Variants in MED12L observed in about 807,000 individuals in gnomAD.
MED12L encodes mediator of RNA polymerase II transcription subunit 12-like protein.
In MED12L, 60 loss-of-function variants were observed where a neutral mutation model predicts 281.3. The observed-to-expected ratio is 0.21, with a 90% CI of 0.17 to 0.26. The LOEUF is 0.26. MED12L is among the 10% of genes least tolerant of loss of function. MED12L has a pLI of 1.00. For synonymous variants in MED12L, 974 were observed against 987.2 expected (o/e 0.99, Z 0.25); for missense variants, 2,146 against 2,680.9 (o/e 0.80, Z 4.41).
intron 16 of MED12L, among the ~76,000 whole-genome samples, chr3:151,309,141 G>A (rs5000882): frequency 0.13 from 18,920 of 147,416 alleles, 1,356 homozygotes; most frequent in Non-Finnish European, 0.18. Context: ...ACACACACAC[G>A]CACACACACA....
rs572055597 is a variant in MED12L at position 151,109,195 on chromosome 3, G to A, written c.100-7143G>A. ...GCCTCCCGAGTAGCTGGGACTACAC[G>A]CAGCCACCAGCCACCACGCCCGGCA... is the stretch of plus-strand genomic sequence containing the variant. On this transcript the variant is annotated intron_variant, in intron 2 of 44. Coordinates refer to ENST00000687756, the MANE Select transcript of MED12L (RefSeq NM_001393769.1). 2.8e-4 allele frequency among the ~76,000 whole-genome samples: 43 copies of A among 152,030 alleles called. No homozygotes were observed. In the South Asian group the frequency reaches 6.9e-3, roughly 24 times the overall value.
intron 16 of MED12L, among the ~76,000 whole-genome samples, chr3:151,319,466 T>C (rs867784882): frequency 2.6e-4 from 26 of 100,994 alleles, no homozygotes; most frequent in Middle Eastern, 8.4e-3. Context: ...TGTGTGTGTG[T>C]GCGTGTGTGT....
At chr3:151,241,969 A>AG (rs1034301822) in intron 16 of MED12L, 7 of 152,794 alleles carry the variant, frequency 4.6e-5, no homozygotes, top group African/African-American at 1.7e-4. Flanking sequence ...GGGAAGCACA[A>AG]GGGGTCAGGG....
intron 39 of MED12L, among the ~76,000 whole-genome samples, chr3:151,405,412 T>C (rs893294457): frequency 2.0e-5 from 3 of 152,176 alleles, no homozygotes; most frequent in Non-Finnish European, 2.9e-5. Flanking sequence ...AAATATCTTA[T>C]TCTCTCTTAC....
At chr3:151,368,600 ATT>A (rs773822835) in intron 25 of MED12L, among the ~76,000 whole-genome samples, 2 of 62,008 alleles carry the variant, frequency 3.2e-5, no homozygotes, top group East Asian at 2.9e-4. Context: ...ATTTTATTTT[ATT>A]TTATTTTATT....
At chr3:151,309,263 A>C (rs535399955) in intron 16 of MED12L, among the ~76,000 whole-genome samples, 1 of 152,230 alleles carries the variant, frequency 6.6e-6, no homozygotes, top group African/African-American at 2.4e-5. Context: ...TTGAATTAAA[A>C]TATTTTTCTC....
intron 16 of MED12L, among the ~76,000 whole-genome samples, chr3:151,261,736 G>T (rs1272474057): frequency 7.0e-6 from 1 of 142,866 alleles, no homozygotes; most frequent in Non-Finnish European, 1.5e-5. Context: ...TTGTTGTGTT[G>T]TGTTTTGAGA....
At chr3:151,236,363 A>G (rs769523903) in intron 16 of MED12L, among the ~76,000 whole-genome samples, 23 of 152,332 alleles carry the variant, frequency 1.5e-4, no homozygotes, top group Admixed American at 7.2e-4. Flanking sequence ...AAATCTCTGG[A>G]TCACAGAATT....
intron 5 of MED12L, among the ~76,000 whole-genome samples, chr3:151,151,280 G>A (rs1366998580): frequency 6.6e-6 from 1 of 151,590 alleles, no homozygotes; most frequent in African/African-American, 2.4e-5. Context: ...CACGTGATCC[G>A]CATGCCTCTG....
intron 16 of MED12L, among the ~76,000 whole-genome samples, chr3:151,230,569 G>GA (rs1731461346): frequency 7.0e-6 from 1 of 142,940 alleles, no homozygotes; most frequent in South Asian, 2.3e-4. Context: ...TTTACTCCAC[G>GA]CTTTTTTTTT....
intron 16 of MED12L, among the ~76,000 whole-genome samples, chr3:151,231,374 A>G (rs1731634901): frequency 6.6e-6 from 1 of 152,206 alleles, no homozygotes; most frequent in African/African-American, 2.4e-5. Context: ...TTAGAGTAAT[A>G]AAAAGTATAC....
intron 16 of MED12L, among the ~76,000 whole-genome samples, chr3:151,237,185 C>T (rs1195720743): frequency 6.6e-6 from 1 of 151,266 alleles, no homozygotes; most frequent in Admixed American, 6.6e-5. Context: ...ACTACAGGTG[C>T]ATGCCACCAC....
chr3:151,412,255 T>C (rs1424472833), intron 41 of MED12L, among the ~76,000 whole-genome samples: 1 of 152,246 alleles, frequency 6.6e-6, no homozygotes, highest in Non-Finnish European at 1.5e-5. Flanking sequence ...GGCTTCATGC[T>C]TAGTTTAATG....
intron 16 of MED12L, among the ~76,000 whole-genome samples, chr3:151,308,341 A>G (rs1746998963): frequency 6.6e-6 from 1 of 152,242 alleles, no homozygotes; most frequent in East Asian, 1.9e-4. Flanking sequence ...CTCAAATTTT[A>G]CAACTTACTG....
intron 23 of MED12L, among the ~76,000 whole-genome samples, chr3:151,366,450 A>G (rs991896881): frequency 2.0e-5 from 3 of 152,222 alleles, no homozygotes; most frequent in African/African-American, 4.8e-5. Flanking sequence ...GTCCAGGTCT[A>G]GATTCCGAGG....
At position 151,283,072 on chromosome 3, in the gene MED12L, A is replaced by C. The variant is rs183172713; in HGVS notation, c.2251-66987A>C. 1.9e-4 allele frequency among the ~76,000 whole-genome samples: 29 copies of C among 152,372 alleles called. No individual in the cohort carries two copies. In the East Asian group the frequency reaches 5.2e-3, roughly 27 times the overall value. ...CATTGGCAATTGTGCACTTGCCTTC[A>C]TCTGAGAATTACAATGGAGAAACAA... On this transcript the variant is annotated intron_variant, in intron 16 of 44. Coordinates refer to ENST00000687756, the MANE Select transcript of MED12L (RefSeq NM_001393769.1).
Position 151,160,038 on chromosome 3 carries a change from C to T in MED12L, c.1044C>T (p.Phe348=). The T allele has an allele frequency of 1.2e-6, 2 of 1,614,186 alleles. No homozygotes were observed. The highest frequency in any genetic ancestry group is 2.2e-5 in the East Asian group (1 of 44,886). The part of the protein sequence containing the change: ...GPGMSPVQLA[F]SDFLSCAQHG... ...GCATGAGCCCCGTGCAGCTGGCCTTCTCAGATTTTCTTTCCTGTGCACAGC... is the reference window on the plus strand; with the variant it reads ...GCATGAGCCCCGTGCAGCTGGCCTTTTCAGATTTTCTTTCCTGTGCACAGC... The change falls in exon 8 of 45, where the codon TTC becomes TTT. Residue 348 remains phenylalanine, a synonymous_variant. Coordinates refer to ENST00000687756, the MANE Select transcript of MED12L (RefSeq NM_001393769.1).
chr3:151,145,507 C>G (rs1717639404), intron 5 of MED12L, among the ~76,000 whole-genome samples: 1 of 152,200 alleles, frequency 6.6e-6, no homozygotes, highest in South Asian at 2.1e-4. Flanking sequence ...CATTTTAAAT[C>G]TGGCGTATTC....
intron 16 of MED12L, among the ~76,000 whole-genome samples, chr3:151,298,127 T>A (rs1375942285): frequency 1.3e-5 from 2 of 152,210 alleles, no homozygotes; most frequent in African/African-American, 2.4e-5. Context: ...TATATCACAT[T>A]CTTTTTTGCC....
Sources: allele counts gnomAD v4.1 joint callset (sites outside exome capture counted in the v4.1 genomes callset), GRCh38; gene constraint gnomAD v4.1.1; transcripts MANE v1.5; gene names NCBI Gene and HGNC (gene_info 2026-07-23, HGNC 2026-07-21).